The following ASPH variants were observed in gnomAD, a reference collection of about 807,000 sequenced individuals.
ASPH encodes aspartyl/asparaginyl beta-hydroxylase.
ASPH carries 100 observed loss-of-function variants against 118.4 expected under a neutral mutation model. The observed-to-expected ratio is 0.84, with a 90% confidence interval of 0.72 to 1.00. The LOEUF is 1.00. Ranked by LOEUF, ASPH falls within the 50% of genes least tolerant of loss-of-function variation. The pLI is 0.00. For missense variants in ASPH, 920 were observed against 919.5 expected (o/e 1.00, Z -0.01); for synonymous variants, 315 against 325.6 (o/e 0.97, Z 0.35).
intron 18 of ASPH, among the ~76,000 whole-genome samples, chr8:61,558,668 TC>T (rs1287515573): frequency 6.6e-6 from 1 of 152,176 alleles, no homozygotes; most frequent in Non-Finnish European, 1.5e-5. Context: ...AGTGCTGCCC[TC>T]CCTGCTTGCT....
intron 17 of ASPH, 28 bp from the exon 18 acceptor site, chr8:61,562,908 A>G (rs201142726): frequency 4.6e-5 from 72 of 1,555,494 alleles, no homozygotes; most frequent in Non-Finnish European, 6.0e-5. Flanking sequence ...TAAAAAAAAT[A>G]GAAATAAAAA....
At chr8:61,522,819 C>T (rs571367930) in intron 22 of ASPH, among the ~76,000 whole-genome samples, 76 of 152,196 alleles carry the variant, frequency 5.0e-4, no homozygotes, top group African/African-American at 1.7e-3. Flanking sequence ...ACTAACACAC[C>T]CAGTGTTTCT....
chr8:61,505,011 C>T (rs1034465688), intron 24 of ASPH, among the ~76,000 whole-genome samples: 1 of 151,762 alleles, frequency 6.6e-6, no homozygotes, highest in African/African-American at 2.4e-5. Context: ...CCACCCAAAT[C>T]TCATCTTGAA....
intron 6 of ASPH, among the ~76,000 whole-genome samples, chr8:61,644,999 A>C (rs766440864): frequency 1.3e-5 from 2 of 152,178 alleles, no homozygotes; most frequent in African/African-American, 4.8e-5. Context: ...TTCTAGAGCG[A>C]AAGTACAGCA....
Position 61,714,257 on chromosome 8 carries a change from A to C in ASPH, c.103+12T>G. The C allele has an allele frequency of 6.1e-6, 9 of 1,483,674 alleles. No homozygotes were observed. Among genetic ancestry groups the C allele is most frequent in the Non-Finnish European group, 7.1e-6 (8 of 1,119,078 alleles). 91.9% of individuals were successfully genotyped at this position (1,483,674 alleles called of 1,614,324 possible). Reference sequence around the variant, plus strand: ...GCGAGGCCCCAGATCCCCGCCCCGCAGGGCCTCTGACCTCTCCGGGCCCCG... The same window carrying C: ...GCGAGGCCCCAGATCCCCGCCCCGCCGGGCCTCTGACCTCTCCGGGCCCCG... On this transcript the variant is annotated intron_variant, in intron 1 of 24. Coordinates refer to ENST00000379454, the MANE Select transcript of ASPH (RefSeq NM_004318.4).
chr8:61,562,389 C>CTCTGTATGTGTGTG (rs71257370), intron 18 of ASPH, among the ~76,000 whole-genome samples: 1 of 128,994 alleles, frequency 7.8e-6, no homozygotes, highest in Admixed American at 8.1e-5. Context: ...GAAAGTGTGT[C>CTCTGTATGTGTGTG]TGTGTGTGTG....
intron 14 of ASPH, among the ~76,000 whole-genome samples, chr8:61,614,050 T>G (rs1297272911): frequency 6.6e-6 from 1 of 152,180 alleles, no homozygotes; most frequent in Non-Finnish European, 1.5e-5. Context: ...TAAGTTGCTT[T>G]GCAGATGTGA....
chr8:61,624,901 C>T (rs1462488919), intron 13 of ASPH: 4 of 985,122 alleles, frequency 4.1e-6, no homozygotes, highest in Non-Finnish European at 4.8e-6. Context: ...AAAATTATTG[C>T]TTTTCTTATT....
intron 17 of ASPH, among the ~76,000 whole-genome samples, chr8:61,565,207 T>TC (rs1831280023): frequency 6.6e-6 from 1 of 152,234 alleles, no homozygotes; most frequent in Admixed American, 6.5e-5. Context: ...GATGTTCTTT[T>TC]CAAAGTATTT....
intron 22 of ASPH, among the ~76,000 whole-genome samples, chr8:61,522,692 C>T (rs1813574420): frequency 6.6e-6 from 1 of 152,030 alleles, no homozygotes; most frequent in Non-Finnish European, 1.5e-5. Flanking sequence ...TGAAGAGGTG[C>T]CTTCCACCAT....
At chr8:61,593,635 T>G (rs147520963) in intron 14 of ASPH, among the ~76,000 whole-genome samples, 271 of 152,344 alleles carry the variant, frequency 1.8e-3, no homozygotes, top group South Asian at 4.3e-3. Flanking sequence ...TTATTACATG[T>G]AGTTGGCTGC....
chr8:61,556,608 T>C (rs891317534), intron 18 of ASPH, among the ~76,000 whole-genome samples: 2 of 152,368 alleles, frequency 1.3e-5, no homozygotes, highest in African/African-American at 2.4e-5. Flanking sequence ...AAATATTTCA[T>C]ATAAATCACA....
intron 24 of ASPH, among the ~76,000 whole-genome samples, chr8:61,504,938 C>G (rs1209265088): frequency 1.3e-5 from 2 of 152,086 alleles, no homozygotes; most frequent in Non-Finnish European, 2.9e-5. Context: ...TTCTACTACC[C>G]ACCCTCCCAC....
intron 3 of ASPH, chr8:61,676,147 A>G (rs1825209433): frequency 1.9e-6 from 3 of 1,599,410 alleles, no homozygotes; most frequent in African/African-American, 1.3e-5. Flanking sequence ...TACCATCAAC[A>G]CCATCTGCGG....
intron 1 of ASPH, among the ~76,000 whole-genome samples, chr8:61,705,374 G>A (rs1718150377): frequency 6.6e-6 from 1 of 152,042 alleles, no homozygotes; most frequent in African/African-American, 2.4e-5. Flanking sequence ...TAACAAACCT[G>A]TATATGTACC....
Position 61,651,040 on chromosome 8 carries a change from T to C in ASPH, c.490+10A>G, listed in dbSNP as rs1810712387. 1 of 1,605,742 alleles carries C rather than the reference T, an allele frequency of 6.2e-7. No individual in the cohort carries two copies. The highest frequency in any genetic ancestry group is 8.5e-7 in the Non-Finnish European group (1 of 1,176,374). On this transcript the variant is annotated intron_variant, in intron 5 of 24. Transcript: ENST00000379454. ...GTAACTCAAAACAAAGAGCAGATTT[T>C]AATTCATACCATGTTCTGCGTGTAC...
At chr8:61,621,696 G>C (rs1308080344) in intron 13 of ASPH, among the ~76,000 whole-genome samples, 1 of 152,190 alleles carries the variant, frequency 6.6e-6, no homozygotes, top group Non-Finnish European at 1.5e-5. Flanking sequence ...AAAGAATCTT[G>C]TGTAGGATTA....
intron 12 of ASPH, among the ~76,000 whole-genome samples, chr8:61,636,792 TA>T (rs1481735918): frequency 2.0e-5 from 3 of 152,082 alleles, no homozygotes; most frequent in African/African-American, 7.2e-5. Context: ...TCTCACCAAA[TA>T]AACATATAGA....
chr8:61,668,236 T>C, intron 3 of ASPH: 1 of 1,608,990 alleles, frequency 6.2e-7, no homozygotes. Context: ...GAAAATACCT[T>C]TAGCCTTAGT....
Sources: allele counts gnomAD v4.1 joint callset (sites outside exome capture counted in the v4.1 genomes callset), GRCh38; gene constraint gnomAD v4.1.1; transcripts MANE v1.5; gene names NCBI Gene and HGNC (gene_info 2026-07-23, HGNC 2026-07-21).